USP49: variants seen among roughly 807,000 people sequenced by gnomAD.
USP49 encodes the protein ubiquitin specific peptidase 49.
In USP49, 24 loss-of-function variants were observed where a neutral mutation model predicts 58.6. The ratio of observed to expected loss-of-function variants is 0.41; its 90% CI spans 0.30 to 0.58. The LOEUF (loss-of-function observed/expected upper bound fraction) is 0.58, where lower values mean the gene tolerates loss of function less well. Among genes scored for constraint, USP49 ranks in the 20% least tolerant of loss-of-function variants. USP49 has a pLI of 0.30. For missense variants in USP49, 703 were observed against 866.1 expected (o/e 0.81, Z 2.36); for synonymous variants, 408 against 365.1 (o/e 1.12, Z -1.34).
intron 7 of USP49, among the ~76,000 whole-genome samples, chr6:41,797,382 G>T (rs1465703402): frequency 6.6e-6 from 1 of 152,228 alleles, no homozygotes; most frequent in Non-Finnish European, 1.5e-5. Flanking sequence ...AGGAGGAGGA[G>T]AGGAGAAATG....
intron 3 of USP49, among the ~76,000 whole-genome samples, chr6:41,843,153 G>A (rs1773856913): frequency 6.6e-6 from 1 of 152,200 alleles, no homozygotes; most frequent in Admixed American, 6.5e-5. Flanking sequence ...GGGGCTACAG[G>A]CGTAGGCCAC....
chr6:41,880,811 A>G (rs886102350), intron 2 of USP49, among the ~76,000 whole-genome samples: 3 of 152,226 alleles, frequency 2.0e-5, no homozygotes, highest in Non-Finnish European at 4.4e-5. Flanking sequence ...GTCAAGGAAA[A>G]CAGGGGGTTC....
chr6:41,847,712 C>CAAA (rs796277859), intron 3 of USP49, among the ~76,000 whole-genome samples: 4 of 136,642 alleles, frequency 2.9e-5, no homozygotes, highest in African/African-American at 1.1e-4. Flanking sequence ...GACTCTGTCT[C>CAAA]AAAAAAAAAA....
chr6:41,867,295 T>C (rs1376115320), intron 3 of USP49, among the ~76,000 whole-genome samples: 1 of 152,222 alleles, frequency 6.6e-6, no homozygotes, highest in Non-Finnish European at 1.5e-5. Flanking sequence ...AACTTTCTGC[T>C]GACTGTCACT....
At position 41,790,338 on chromosome 6, in the gene USP49, C is replaced by A. The variant is rs1490465500; in HGVS notation, c.*6195G>T. On this transcript the variant is annotated 3_prime_UTR_variant, in exon 8 of 8. Coordinates refer to ENST00000682992, the MANE Select transcript of USP49 (RefSeq NM_001286554.2). ...ACACTGCTGAGGCAGCTGCTTCCTTCAGAAGGAAATGTTTTGTGACCCTAA... is the reference window on the plus strand; with the variant it reads ...ACACTGCTGAGGCAGCTGCTTCCTTAAGAAGGAAATGTTTTGTGACCCTAA... 6.6e-6 allele frequency: 1 copy of A among 152,180 alleles called. No homozygotes were observed. The highest frequency in any genetic ancestry group is 1.5e-5 in the Non-Finnish European group (1 of 68,056). 9.4% of individuals were successfully genotyped at this position (152,180 alleles called of 1,614,324 possible). A position where few individuals can be genotyped will look rare whatever the true frequency, so the allele number is the denominator to read the frequency against.
intron 3 of USP49, among the ~76,000 whole-genome samples, chr6:41,829,245 T>C (rs1473442878): frequency 6.6e-6 from 1 of 151,886 alleles, no homozygotes; most frequent in Non-Finnish European, 1.5e-5. Flanking sequence ...AATCAAAAGG[T>C]TGCTGATCTG....
chr6:41,793,089 A>C lies in USP49; in HGVS notation c.*3444T>G, dbSNP rs2127313521. 1 of 152,418 alleles carries C rather than the reference A, an allele frequency of 6.6e-6. No individual in the cohort carries two copies. The highest frequency in any genetic ancestry group is 2.1e-4 in the South Asian group (1 of 4,830). The allele number at this position is 152,418 out of a possible 1,614,324, so 9.4% of individuals were successfully genotyped here. On this transcript the variant is annotated 3_prime_UTR_variant, in exon 8 of 8. Transcript: ENST00000682992. ...TCCCTTGTACTTGGATGAAGCTGTA[A>C]GCACAGCCAGAGTAGCAAACTCATA... is the stretch of plus-strand genomic sequence containing the variant.
chr6:41,853,011 C>A (rs146425043), intron 3 of USP49, among the ~76,000 whole-genome samples: 1 of 152,130 alleles, frequency 6.6e-6, no homozygotes, highest in African/African-American at 2.4e-5. Flanking sequence ...CATGGAGAAA[C>A]CCCATCTCTA....
intron 3 of USP49, among the ~76,000 whole-genome samples, chr6:41,815,905 A>G (rs1436564851): frequency 6.6e-6 from 1 of 152,232 alleles, no homozygotes; most frequent in Admixed American, 6.5e-5. Context: ...ATAATAGCTC[A>G]CTTGCATTAG....
chr6:41,870,222 T>C (rs953702593), intron 3 of USP49, among the ~76,000 whole-genome samples: 1 of 152,232 alleles, frequency 6.6e-6, no homozygotes, highest in Non-Finnish European at 1.5e-5. Flanking sequence ...AACTAATCAA[T>C]TGCTAAGAGA....
At chr6:41,870,728 A>G (rs564455973) in intron 3 of USP49, among the ~76,000 whole-genome samples, 1 of 119,674 alleles carries the variant, frequency 8.4e-6, no homozygotes, top group African/African-American at 3.2e-5. Context: ...GTCTTGCTAT[A>G]TTGCCCAGGC....
intron 3 of USP49, among the ~76,000 whole-genome samples, chr6:41,828,606 TTA>T (rs1326894134): frequency 6.6e-6 from 1 of 152,238 alleles, no homozygotes; most frequent in East Asian, 1.9e-4. Flanking sequence ...TTGGAGTTCT[TTA>T]TATATTCTGA....
At chr6:41,841,371 G>A (rs752586264) in intron 3 of USP49, among the ~76,000 whole-genome samples, 5 of 152,146 alleles carry the variant, frequency 3.3e-5, no homozygotes, top group East Asian at 3.9e-4. Flanking sequence ...TTCTTTCTTC[G>A]ATTCTAGGTT....
At chr6:41,882,890 T>A (rs1230377169) in intron 2 of USP49, among the ~76,000 whole-genome samples, 1 of 151,974 alleles carries the variant, frequency 6.6e-6, no homozygotes, top group Admixed American at 6.6e-5. Context: ...TACTCCAGCC[T>A]GGGCAACAGA....
intron 3 of USP49, among the ~76,000 whole-genome samples, chr6:41,826,455 G>A (rs1773538946): frequency 6.6e-6 from 1 of 152,144 alleles, no homozygotes; most frequent in Non-Finnish European, 1.5e-5. Context: ...ACATATATAA[G>A]TCTGCTGACA....
intron 2 of USP49, among the ~76,000 whole-genome samples, chr6:41,890,651 A>T (rs750118749): frequency 1.7e-4 from 26 of 152,190 alleles, no homozygotes; most frequent in Admixed American, 1.7e-3. Context: ...TCGCCTGGGC[A>T]AAAGAGCAAG....
intron 3 of USP49, among the ~76,000 whole-genome samples, chr6:41,847,155 A>T (rs1773938057): frequency 2.0e-5 from 3 of 152,244 alleles, no homozygotes; most frequent in Admixed American, 6.5e-5. Context: ...AATATGGCTG[A>T]ATTAAAGGAA....
chr6:41,839,505 C>T (rs1215358055), intron 3 of USP49, among the ~76,000 whole-genome samples: 3 of 147,278 alleles, frequency 2.0e-5, no homozygotes, highest in Non-Finnish European at 4.5e-5. Flanking sequence ...CAAACCAAAC[C>T]CAAACACAGC....
At chr6:41,845,269 G>A (rs1297337396) in intron 3 of USP49, among the ~76,000 whole-genome samples, 1 of 152,074 alleles carries the variant, frequency 6.6e-6, no homozygotes, top group African/African-American at 2.4e-5. Context: ...CAGGTGTGGT[G>A]GCTCACCCAT....
Sources: allele counts gnomAD v4.1 joint callset (sites outside exome capture counted in the v4.1 genomes callset), GRCh38; gene constraint gnomAD v4.1.1; transcripts MANE v1.5; gene names NCBI Gene and HGNC (gene_info 2026-07-23, HGNC 2026-07-21).